The following WAPL variants were observed in gnomAD, a reference collection of about 807,000 sequenced individuals.
The protein encoded by WAPL is WAPL cohesin release factor.
WAPL carries 5 observed loss-of-function variants against 121.0 expected under a neutral mutation model. The observed-to-expected ratio is 0.04, with a 90% CI of 0.02 to 0.09. WAPL has a LOEUF of 0.09. Ranked by LOEUF, WAPL falls within the 10% of genes least tolerant of loss-of-function variation. The pLI is 1.00. For synonymous variants in WAPL, 480 were observed against 481.5 expected, an observed-to-expected ratio of 1.00 and a Z score of 0.04; for missense variants, 999 against 1,410.8, an observed-to-expected ratio of 0.71 and a Z score of 4.68.
chr10:86,508,855 C>T (rs1338251372), intron 2 of WAPL, among the ~76,000 whole-genome samples: 1 of 148,712 alleles, frequency 6.7e-6, no homozygotes, highest in African/African-American at 2.5e-5. Flanking sequence ...CCAGAGTTCA[C>T]GCCATTCTCC....
At chr10:86,444,892 CAAAAAAAA>C (rs35307250) in intron 16 of WAPL, among the ~76,000 whole-genome samples, 10 of 68,194 alleles carry the variant, frequency 1.5e-4, no homozygotes, top group Admixed American at 1.7e-4. Flanking sequence ...GTTATTACGC[CAAAAAAAA>C]AAAAAAAAAA....
intron 4 of WAPL, among the ~76,000 whole-genome samples, chr10:86,478,714 T>A (rs1841716156): frequency 6.6e-6 from 1 of 152,218 alleles, no homozygotes; most frequent in African/African-American, 2.4e-5. Context: ...ATATAGTTTC[T>A]ATAAAAACAA....
chr10:86,496,634 TATATATATAC>T (rs1842155893), intron 4 of WAPL, among the ~76,000 whole-genome samples: 1 of 152,158 alleles, frequency 6.6e-6, no homozygotes, highest in Non-Finnish European at 1.5e-5. Context: ...AATATTCTTT[TATATATATAC>T]ATATATATCT....
intron 16 of WAPL, among the ~76,000 whole-genome samples, chr10:86,445,372 G>C (rs978165772): frequency 6.6e-6 from 1 of 152,172 alleles, no homozygotes; most frequent in African/African-American, 2.4e-5. Flanking sequence ...CACATGTATG[G>C]AGGGCGGACT....
At chr10:86,476,638 G>A (rs559306943) in intron 4 of WAPL, among the ~76,000 whole-genome samples, 3 of 150,724 alleles carry the variant, frequency 2.0e-5, no homozygotes, top group Admixed American at 6.6e-5. Flanking sequence ...GCAGTGAGCC[G>A]AGATTGCGCC....
intron 9 of WAPL, among the ~76,000 whole-genome samples, chr10:86,463,742 C>T (rs1841339051): frequency 6.6e-6 from 1 of 152,210 alleles, no homozygotes; most frequent in Non-Finnish European, 1.5e-5. Context: ...TCCAGTCCTG[C>T]AAGCTCTACT....
rs759284758 is a variant in WAPL, at chr10:86,470,982, T to TA, written c.2142+9dup. On this transcript the variant is annotated intron_variant, in intron 8 of 18. Transcript: ENST00000298767. ...ATAAGGCTTCTCAATCTCAGAAACTTAAAAAATACCTGATGGTGCTGGGAA... is the reference window on the plus strand; with the variant it reads ...ATAAGGCTTCTCAATCTCAGAAACTTAAAAAAATACCTGATGGTGCTGGGAA... The TA allele has an allele frequency of 4.4e-5, 71 of 1,611,504 alleles. No individual in the cohort carries two copies. Among genetic ancestry groups the TA allele is most frequent in the Non-Finnish European group, 4.2e-5 (50 of 1,178,588 alleles).
Position 86,446,369 on chromosome 10 carries a change from C to T in WAPL, c.3195G>A (p.Gln1065=). The T allele has an allele frequency of 1.2e-6, 2 of 1,614,168 alleles. No individual in the cohort carries two copies. Residue 1065 remains glutamine, a synonymous_variant, in exon 16 of 19, where the codon CAG becomes CAA. Transcript: ENST00000298767. ...CTTGCCACTCTCCACTCTTATCATGCTGAGTGGTGGGAGCATCTTTGATCA... is the reference window on the plus strand; with the variant it reads ...CTTGCCACTCTCCACTCTTATCATGTTGAGTGGTGGGAGCATCTTTGATCA... The part of the protein sequence containing the change: ...DELIKDAPTT[Q]HDKSGEWQET...
chr10:86,446,186 AAAAC>A (rs1318869446), intron 16 of WAPL, 52 bp downstream of exon 16: 23 of 1,593,582 alleles, frequency 1.4e-5, no homozygotes, highest in East Asian at 2.2e-5. Flanking sequence ...TTTGAAGAAA[AAAAC>A]AAAATCAAAC....
chr10:86,445,977 T>C (rs1305825271), intron 16 of WAPL, among the ~76,000 whole-genome samples: 1 of 152,096 alleles, frequency 6.6e-6, no homozygotes, highest in Non-Finnish European at 1.5e-5. Context: ...TCTTCACAGA[T>C]AAGTAAAGGA....
chr10:86,482,027 T>A (rs1475019847), intron 4 of WAPL, among the ~76,000 whole-genome samples: 1 of 152,180 alleles, frequency 6.6e-6, no homozygotes, highest in African/African-American at 2.4e-5. Flanking sequence ...AAGTAATTTG[T>A]GAACATATTA....
intron 2 of WAPL, among the ~76,000 whole-genome samples, chr10:86,503,479 G>A (rs1349359432): frequency 1.3e-5 from 2 of 152,132 alleles, no homozygotes; most frequent in Non-Finnish European, 2.9e-5. Flanking sequence ...TTCGCCGGGT[G>A]TGGTGGCTCA....
chr10:86,509,600 G>A (rs956180807), intron 2 of WAPL, among the ~76,000 whole-genome samples: 8 of 152,120 alleles, frequency 5.3e-5, no homozygotes, highest in Non-Finnish European at 1.0e-4. Context: ...CTTGTTCATG[G>A]ACACTAAAAT....
intron 2 of WAPL, among the ~76,000 whole-genome samples, chr10:86,515,818 A>G (rs532186859): frequency 2.0e-4 from 30 of 150,312 alleles, no homozygotes; most frequent in African/African-American, 7.1e-4. Flanking sequence ...ATACATTTAT[A>G]CATTTTTAGG....
At chr10:86,493,517 TC>T (rs1455506026) in intron 4 of WAPL, among the ~76,000 whole-genome samples, 1 of 152,078 alleles carries the variant, frequency 6.6e-6, no homozygotes, top group Non-Finnish European at 1.5e-5. Context: ...TCTGTATATT[TC>T]AAATTTTCAT....
At chr10:86,502,532 TTTG>T (rs1471704779) in intron 2 of WAPL, among the ~76,000 whole-genome samples, 1 of 152,164 alleles carries the variant, frequency 6.6e-6, no homozygotes, top group Non-Finnish European at 1.5e-5. Context: ...CAATGAATTG[TTTG>T]TTGAAGATTA....
intron 12 of WAPL, among the ~76,000 whole-genome samples, chr10:86,454,960 C>A (rs1218313673): frequency 6.6e-6 from 1 of 151,234 alleles, no homozygotes; most frequent in Admixed American, 6.6e-5. Context: ...CTCCGCCCGG[C>A]AGCCGCCCGG....
chr10:86,485,318 G>A (rs12411744), intron 4 of WAPL, among the ~76,000 whole-genome samples: 60,842 of 151,682 alleles, frequency 0.4, 12,393 homozygotes, highest in Non-Finnish European at 0.43. Context: ...CGAGGGAGGC[G>A]GATCGCTTGA....
chr10:86,508,206 T>TC (rs1842388751), intron 2 of WAPL, among the ~76,000 whole-genome samples: 1 of 152,108 alleles, frequency 6.6e-6, no homozygotes, highest in African/African-American at 2.4e-5. Flanking sequence ...TCTTTCCTGC[T>TC]CCCCCAAACC....
Sources: allele counts gnomAD v4.1 joint callset (sites outside exome capture counted in the v4.1 genomes callset), GRCh38; gene constraint gnomAD v4.1.1; transcripts MANE v1.5; gene names NCBI Gene and HGNC (gene_info 2026-07-23, HGNC 2026-07-21).